The following CA10 variants were observed in gnomAD, a reference collection of about 807,000 sequenced individuals.
CA10 encodes carbonic anhydrase-related protein 10.
A neutral mutation model predicts 44.2 loss-of-function variants in CA10; 14 were observed. The observed-to-expected ratio is 0.32, with a 90% CI of 0.21 to 0.50. The LOEUF is 0.50. Ranked by LOEUF, CA10 falls within the 20% of genes least tolerant of loss-of-function variation. CA10 has a pLI of 0.99. For synonymous variants in CA10, 159 were observed against 141.6 expected (o/e 1.12, Z -0.87); for missense variants, 350 against 409.7 (o/e 0.85, Z 1.26).
chr17:51,858,251 A>G (rs1329011609), intron 3 of CA10, among the ~76,000 whole-genome samples: 2 of 152,188 alleles, frequency 1.3e-5, no homozygotes, highest in African/African-American at 4.8e-5. Flanking sequence ...AGCAAGAGTG[A>G]AGGGACATCG....
intron 2 of CA10, among the ~76,000 whole-genome samples, chr17:52,053,086 G>A (rs977983389): frequency 9.2e-5 from 14 of 152,008 alleles, no homozygotes; most frequent in Non-Finnish European, 1.6e-4. Context: ...TTCTTTAGAG[G>A]ACTAAAATGC....
At chr17:52,071,811 G>A (rs1047322200) in intron 2 of CA10, among the ~76,000 whole-genome samples, 3 of 152,132 alleles carry the variant, frequency 2.0e-5, no homozygotes, top group Admixed American at 6.5e-5. Context: ...GCTTCTGAAC[G>A]AAAGTCATAA....
intron 1 of CA10, among the ~76,000 whole-genome samples, chr17:52,116,879 AT>A (rs1331734510): frequency 1.3e-5 from 2 of 152,120 alleles, no homozygotes; most frequent in Non-Finnish European, 2.9e-5. Flanking sequence ...AAAAGGATAT[AT>A]GAGGTTGGTC....
chr17:51,853,759 T>C (rs1203380685), intron 3 of CA10, among the ~76,000 whole-genome samples: 1 of 152,068 alleles, frequency 6.6e-6, no homozygotes, highest in Non-Finnish European at 1.5e-5. Context: ...GTTCTTGTAA[T>C]AGTGAGTTCT....
At chr17:51,858,840 GA>G (rs2143836823) in intron 3 of CA10, among the ~76,000 whole-genome samples, 1 of 152,144 alleles carries the variant, frequency 6.6e-6, no homozygotes, top group African/African-American at 2.4e-5. Flanking sequence ...ATGATGCAGT[GA>G]TTAAGAGGAA....
intron 1 of CA10, among the ~76,000 whole-genome samples, chr17:52,132,260 G>C (rs1989259165): frequency 6.6e-6 from 1 of 151,972 alleles, no homozygotes; most frequent in Admixed American, 6.6e-5. Flanking sequence ...GCAATGGAGA[G>C]GCAGACTCAG....
chr17:51,683,942 T>C (rs1017605887), intron 4 of CA10, among the ~76,000 whole-genome samples: 1 of 152,206 alleles, frequency 6.6e-6, no homozygotes, highest in African/African-American at 2.4e-5. Flanking sequence ...GGTCCCACCC[T>C]GCGGCAGGCT....
chr17:51,731,674 G>GATTTATTT (rs10656364), intron 4 of CA10, among the ~76,000 whole-genome samples: 7 of 128,726 alleles, frequency 5.4e-5, no homozygotes, highest in Non-Finnish European at 6.3e-5. Context: ...AAAAAAAAAA[G>GATTTATTT]ATTTATTTAT....
intron 2 of CA10, among the ~76,000 whole-genome samples, chr17:52,064,049 G>A (rs1325553198): frequency 1.3e-5 from 2 of 152,234 alleles, no homozygotes; most frequent in African/African-American, 4.8e-5. Context: ...ACCTTTAAAA[G>A]AGAGTCTAGG....
chr17:52,080,719 C>T (rs562047146), intron 1 of CA10, among the ~76,000 whole-genome samples: 1 of 152,144 alleles, frequency 6.6e-6, no homozygotes, highest in Admixed American at 6.5e-5. Context: ...CTTCACTCTG[C>T]CCTTTTTCCC....
chr17:52,003,383 C>G (rs1353503558), intron 2 of CA10, among the ~76,000 whole-genome samples: 1 of 151,964 alleles, frequency 6.6e-6, no homozygotes, highest in East Asian at 2.0e-4. Context: ...GCAAATACCA[C>G]AGTACATTGT....
chr17:51,999,418 A>G (rs1304257743), intron 2 of CA10, among the ~76,000 whole-genome samples: 1 of 152,054 alleles, frequency 6.6e-6, no homozygotes, highest in Non-Finnish European at 1.5e-5. Context: ...GTGGGCCACA[A>G]GAGACATTTT....
intron 3 of CA10, among the ~76,000 whole-genome samples, chr17:51,799,453 T>A (rs1598050909): frequency 6.6e-6 from 1 of 152,132 alleles, no homozygotes. Context: ...TGGTCTTTGT[T>A]GGGATGATGG....
intron 2 of CA10, among the ~76,000 whole-genome samples, chr17:51,963,826 A>C (rs1200982879): frequency 6.6e-6 from 1 of 152,214 alleles, no homozygotes; most frequent in African/African-American, 2.4e-5. Context: ...CTAAGTGCAT[A>C]TCTCACAGGC....
intron 1 of CA10, among the ~76,000 whole-genome samples, chr17:52,080,248 A>C (rs916752763): frequency 2.6e-5 from 4 of 152,178 alleles, no homozygotes; most frequent in South Asian, 2.1e-4. Flanking sequence ...GTCAGGGGAT[A>C]GAGACCATCC....
At chr17:51,927,705 T>TTA (rs1444087357) in intron 3 of CA10, among the ~76,000 whole-genome samples, 1 of 152,156 alleles carries the variant, frequency 6.6e-6, no homozygotes, top group East Asian at 1.9e-4. Context: ...TTGTGAAATT[T>TTA]TACAAGTTCA....
intron 2 of CA10, among the ~76,000 whole-genome samples, chr17:51,937,907 T>C (rs1259291986): frequency 4.6e-5 from 7 of 152,126 alleles, no homozygotes; most frequent in African/African-American, 1.7e-4. Context: ...GTCTTGTAAC[T>C]AGTTAAAACA....
At chr17:51,960,004 G>A (rs1983826856) in intron 2 of CA10, among the ~76,000 whole-genome samples, 1 of 151,710 alleles carries the variant, frequency 6.6e-6, no homozygotes. Flanking sequence ...AGATTTTAAA[G>A]GAGTTATTGT....
intron 2 of CA10, among the ~76,000 whole-genome samples, chr17:52,007,560 C>T (rs1985643000): frequency 6.6e-6 from 1 of 151,314 alleles, no homozygotes; most frequent in South Asian, 2.1e-4. Flanking sequence ...ATGATAGTGG[C>T]CTATGGTCAT....
Sources: allele counts gnomAD v4.1 joint callset (sites outside exome capture counted in the v4.1 genomes callset), GRCh38; gene constraint gnomAD v4.1.1; transcripts MANE v1.5; gene names NCBI Gene and HGNC (gene_info 2026-07-23, HGNC 2026-07-21).